The following UHRF2 variants were observed in gnomAD, a reference collection of about 807,000 sequenced individuals.
The protein encoded by UHRF2 is E3 ubiquitin-protein ligase UHRF2.
UHRF2 carries 23 observed loss-of-function variants against 96.8 expected under a neutral mutation model. The observed-to-expected ratio is 0.24, with a 90% CI of 0.17 to 0.34. The LOEUF (loss-of-function observed/expected upper bound fraction) is 0.34. Ranked by LOEUF, UHRF2 falls within the 10% of genes least tolerant of loss-of-function variation. The probability of loss-of-function intolerance (pLI) is 1.00; values close to 1 mark genes in which losing one functional copy is unlikely to be tolerated. For missense variants in UHRF2, 685 were observed against 981.5 expected, an observed-to-expected ratio of 0.70 and a Z score of 4.04; for synonymous variants, 385 against 332.6, an observed-to-expected ratio of 1.16 and a Z score of -1.72.
intron 3 of UHRF2, among the ~76,000 whole-genome samples, chr9:6,442,047 C>A (rs1007221639): frequency 6.6e-6 from 1 of 152,142 alleles, no homozygotes; most frequent in African/African-American, 2.4e-5. Flanking sequence ...CTCACTGCAA[C>A]CTCTGCCTCC....
intron 4 of UHRF2, chr9:6,468,459 T>G (rs1563781438): frequency 2.2e-6 from 1 of 456,090 alleles, no homozygotes; most frequent in South Asian, 1.5e-5. Context: ...GAGAACCAAC[T>G]GCGGGTATGT....
At chr9:6,433,779 T>C in intron 2 of UHRF2, 135 bp from the exon 3 acceptor site, 6 of 855,192 alleles carry the variant, frequency 7.0e-6, no homozygotes, top group Non-Finnish European at 1.1e-5. Flanking sequence ...TGATCTAATC[T>C]TATTAACCAC....
intron 2 of UHRF2, among the ~76,000 whole-genome samples, chr9:6,421,829 T>C (rs1259533430): frequency 6.6e-6 from 1 of 152,220 alleles, no homozygotes; most frequent in Non-Finnish European, 1.5e-5. Context: ...TTATTTTTGC[T>C]ACTTACGTAT....
At chr9:6,418,437 T>A (rs1391991448) in intron 1 of UHRF2, among the ~76,000 whole-genome samples, 1 of 152,178 alleles carries the variant, frequency 6.6e-6, no homozygotes, top group Non-Finnish European at 1.5e-5. Context: ...TCTTGATCCC[T>A]TGTTCTACTT....
chr9:6,444,373 G>T (rs957360238), intron 3 of UHRF2, among the ~76,000 whole-genome samples: 8 of 152,148 alleles, frequency 5.3e-5, no homozygotes, highest in African/African-American at 1.2e-4. Flanking sequence ...TCATTTTCTC[G>T]TTGCTCATGT....
rs1389865966 is a variant in UHRF2 at position 6,500,562 on chromosome 9, A to C, written c.2016A>C (p.Pro672=). ...TTAAAATAAATCTAGATGACTGTCC[A>C]AGTGCCTCCAAAGTGTACAAAGCAT... ...TKRPISDDDC[P]SASKVYKASD... is the part of the protein sequence containing the mutation. The change falls in exon 14 of 16, where the codon CCA becomes CCC. Residue 672 remains proline (P), a synonymous_variant. Coordinates refer to ENST00000276893, the MANE Select transcript of UHRF2 (RefSeq NM_152896.3). 6.2e-7 allele frequency: 1 copy of C among 1,611,136 alleles called. No homozygotes were observed. Among genetic ancestry groups the C allele is most frequent in the South Asian group, 1.1e-5 (1 of 90,520 alleles).
intron 1 of UHRF2, among the ~76,000 whole-genome samples, chr9:6,416,912 C>G (rs917982270): frequency 1.3e-5 from 2 of 152,108 alleles, no homozygotes; most frequent in Non-Finnish European, 2.9e-5. Flanking sequence ...TAGAGGTGGT[C>G]TTAAAATAGA....
rs752498789 is a variant in UHRF2, at chr9:6,460,760, A to G, written c.832A>G (p.Lys278Glu). The G allele has an allele frequency of 1.2e-6, 2 of 1,612,280 alleles. No individual in the cohort carries two copies. The highest frequency in any genetic ancestry group is 1.7e-5 in the Admixed American group (1 of 59,742). Reference protein sequence around the residue: ...ITTLKTISRTKKELRVKIFLG... With the variant: ...ITTLKTISRTEKELRVKIFLG... ...CACATTGAAGACAATCTCAAGGACC[A>G]AAAAAGAACTTCGTGTGAAAATTTT... Residue 278 changes from lysine to glutamate, a missense_variant, in exon 4 of 16, where the codon AAA (lysine) becomes GAA (glutamate). Lys to Glu is a moderately conservative substitution (Grantham distance 56). Transcript: ENST00000276893.
At chr9:6,462,724 C>T (rs1413123735) in intron 4 of UHRF2, among the ~76,000 whole-genome samples, 2 of 151,614 alleles carry the variant, frequency 1.3e-5, no homozygotes, top group African/African-American at 2.4e-5. Flanking sequence ...CGAGACCAGC[C>T]TGGCCAATAT....
intron 15 of UHRF2, among the ~76,000 whole-genome samples, chr9:6,505,273 A>G (rs1816521601): frequency 6.6e-6 from 1 of 152,046 alleles, no homozygotes; most frequent in Non-Finnish European, 1.5e-5. Context: ...TGCTAAATAT[A>G]TATATATGCG....
chr9:6,457,206 T>C (rs1822236772), intron 3 of UHRF2, among the ~76,000 whole-genome samples: 1 of 152,204 alleles, frequency 6.6e-6, no homozygotes, highest in Admixed American at 6.5e-5. Context: ...GTAGTTCTTT[T>C]TGGTGAGGTC....
chr9:6,491,608 A>G (rs1824664294), intron 9 of UHRF2, among the ~76,000 whole-genome samples: 2 of 152,230 alleles, frequency 1.3e-5, no homozygotes, highest in Admixed American at 6.5e-5. Flanking sequence ...GAAGTTTGGG[A>G]TAAAGGTCTT....
chr9:6,468,401 A>C, intron 4 of UHRF2: 1 of 455,836 alleles, frequency 2.2e-6, no homozygotes, highest in Non-Finnish European at 4.4e-6. Context: ...AAAACAACTA[A>C]ATAGCCCGAT....
chr9:6,417,804 C>A (rs1819694615), intron 1 of UHRF2, among the ~76,000 whole-genome samples: 1 of 152,108 alleles, frequency 6.6e-6, no homozygotes, highest in Non-Finnish European at 1.5e-5. Context: ...CCTGTCAAAT[C>A]AAATTTTAAA....
intron 4 of UHRF2, among the ~76,000 whole-genome samples, chr9:6,469,748 ACG>A (rs1563783049): frequency 2.0e-5 from 3 of 150,426 alleles, no homozygotes; most frequent in East Asian, 2.0e-4. Context: ...ATATATATAC[ACG>A]TATATATACA....
chr9:6,489,847 T>G (rs1587870311), intron 9 of UHRF2, among the ~76,000 whole-genome samples: 1 of 151,692 alleles, frequency 6.6e-6, no homozygotes, highest in Non-Finnish European at 1.5e-5. Flanking sequence ...ACACAAAATA[T>G]AGTATGTTTT....
At chr9:6,467,842 G>T (rs1822972364) in intron 4 of UHRF2, among the ~76,000 whole-genome samples, 1 of 151,980 alleles carries the variant, frequency 6.6e-6, no homozygotes, top group African/African-American at 2.4e-5. Context: ...ATTCTTGGAG[G>T]ATGCTTTTTT....
intron 4 of UHRF2, among the ~76,000 whole-genome samples, chr9:6,462,556 G>A (rs1300281315): frequency 6.6e-6 from 1 of 152,166 alleles, no homozygotes; most frequent in Non-Finnish European, 1.5e-5. Context: ...AGTGTTGGAA[G>A]TAGAAAGCAT....
At chr9:6,457,314 T>G (rs1325876915) in intron 3 of UHRF2, among the ~76,000 whole-genome samples, 1 of 152,232 alleles carries the variant, frequency 6.6e-6, no homozygotes, top group Non-Finnish European at 1.5e-5. Flanking sequence ...TGTTTGTCTG[T>G]TATTGGTGTA....
Sources: gnomAD v4.1 joint callset for allele counts (sites outside exome capture counted in the v4.1 genomes callset) on GRCh38, gnomAD v4.1.1 for gene constraint, MANE v1.5 for transcripts, NCBI Gene and HGNC (gene_info 2026-07-23, HGNC 2026-07-21) for gene names.